Variants in COL4A5 observed in about 807,000 individuals in gnomAD.
COL4A5 encodes the protein collagen type IV alpha 5 chain, also known as collagen alpha-5(IV) chain.
Under a neutral mutation model 130.2 loss-of-function variants are expected in COL4A5, and 26 were observed. That is an observed-to-expected ratio of 0.20 (90% CI 0.15 to 0.28). The LOEUF is 0.28. Among genes scored for constraint, COL4A5 ranks in the 10% least tolerant of loss-of-function variants. The pLI is 1.00. For synonymous variants in COL4A5, 496 were observed against 439.6 expected, an observed-to-expected ratio of 1.13 and a Z score of -1.60; for missense variants, 1,131 against 1,344.3, an observed-to-expected ratio of 0.84 and a Z score of 2.48.
chrX:108,636,946 T>G (rs1007755414), intron 36 of COL4A5, among the ~76,000 whole-genome samples: 3 of 100,833 alleles, frequency 3.0e-5, no homozygotes, highest in Non-Finnish European at 6.0e-5. Flanking sequence ...TGTCTTTTTT[T>G]TTTTTTTTTT....
chrX:108,551,819 A>G (rs191480342), intron 2 of COL4A5, among the ~76,000 whole-genome samples: 1 of 112,096 alleles, frequency 8.9e-6, no homozygotes, highest in East Asian at 2.8e-4. Context: ...CTAGATGCCC[A>G]TCAGTGGTGG....
chrX:108,621,803 G>T lies in COL4A5; in HGVS notation c.2678G>T (p.Gly893Val), dbSNP rs397515496. ...PGKAGASGFP[G>V]TKGEMGMMGP... ...CATTACTTATTGATATTCTTCAAAG[G>T]TACCAAAGGTGAAATGGGTATGATG... The change falls in exon 32 of 53, where the codon GGT becomes GTT. Residue 893 changes from glycine to valine, a missense_variant and splice_region_variant. Gly to Val is a moderately radical substitution (Grantham distance 109, BLOSUM62 -3). Transcript: ENST00000328300. The T allele has an allele frequency of 8.4e-7, 1 of 1,195,223 alleles. No homozygotes were observed. Among genetic ancestry groups the T allele is most frequent in the African/African-American group, 1.7e-5 (1 of 57,489 alleles).
intron 49 of COL4A5, among the ~76,000 whole-genome samples, chrX:108,691,472 A>C (rs2068638761): frequency 9.0e-6 from 1 of 111,013 alleles, no homozygotes; most frequent in Admixed American, 9.7e-5. Context: ...GTTTCTAATA[A>C]AAGTTTTTTT....
intron 36 of COL4A5, among the ~76,000 whole-genome samples, chrX:108,645,401 C>T (rs28796582): frequency 0.1 from 11,488 of 110,015 alleles, 1,304 homozygotes; most frequent in African/African-American, 0.34. Context: ...CAACTGACAC[C>T]ACTGAAATAA....
At chrX:108,648,275 A>C (rs1189080759) in intron 36 of COL4A5, among the ~76,000 whole-genome samples, 3 of 110,808 alleles carry the variant, frequency 2.7e-5, no homozygotes, top group Non-Finnish European at 5.7e-5. Context: ...AATTACCAAC[A>C]AAAAAAAGTC....
intron 36 of COL4A5, among the ~76,000 whole-genome samples, chrX:108,629,588 G>A (rs1221740443): frequency 9.0e-6 from 1 of 111,599 alleles, no homozygotes; most frequent in Non-Finnish European, 1.9e-5. Flanking sequence ...GTTGCTATAT[G>A]CTGAAATACA....
At chrX:108,571,518 C>G (rs1407299682) in intron 7 of COL4A5, 52 bp downstream of exon 7, 5 of 949,188 alleles carry the variant, frequency 5.3e-6, no homozygotes, top group Admixed American at 2.2e-5. Flanking sequence ...ACAAAAGAAG[C>G]AGAAATGTAG....
intron 30 of COL4A5, among the ~76,000 whole-genome samples, chrX:108,618,853 T>C (rs2066982637): frequency 9.1e-6 from 1 of 110,278 alleles, no homozygotes; most frequent in African/African-American, 3.3e-5. Flanking sequence ...AAGCCATATC[T>C]TAAAGTAAAG....
chrX:108,442,619 G>C (rs774532686), intron 1 of COL4A5, among the ~76,000 whole-genome samples: 1 of 111,304 alleles, frequency 9.0e-6, no homozygotes, highest in African/African-American at 3.3e-5. Flanking sequence ...GGATATTTTT[G>C]TCTACTTTAA....
intron 36 of COL4A5, among the ~76,000 whole-genome samples, chrX:108,642,421 G>A (rs1457637158): frequency 9.0e-6 from 1 of 111,247 alleles, no homozygotes; most frequent in Admixed American, 9.6e-5. Context: ...CTCCTGGCAG[G>A]AAGCCAACCA....
At chrX:108,475,046 G>C (rs1236348184) in intron 1 of COL4A5, among the ~76,000 whole-genome samples, 6 of 111,202 alleles carry the variant, frequency 5.4e-5, no homozygotes, top group Non-Finnish European at 5.7e-5. Context: ...CTCCTGCTTT[G>C]CTCCTTTTGG....
chrX:108,526,714 TTTCTTTCTTTCTTCC>T (rs2065329266), intron 1 of COL4A5, among the ~76,000 whole-genome samples: 2 of 93,346 alleles, frequency 2.1e-5, no homozygotes, highest in African/African-American at 4.0e-5. Flanking sequence ...TCTTTCTTTC[TTTCTTTCTTTCTTCC>T]TCCTCCTCCT....
intron 49 of COL4A5, 129 bp downstream of exon 49, chrX:108,687,823 T>C (rs2068578489): frequency 1.8e-6 from 1 of 563,979 alleles, no homozygotes; most frequent in African/African-American, 2.3e-5. Context: ...TTGAAAACCA[T>C]GTCAAAGGCA....
Position 108,591,098 on chromosome X carries a change from T to G in COL4A5, c.1206T>G (p.Pro402=). The G allele has an allele frequency of 8.3e-7, 1 of 1,209,652 alleles. No homozygotes were observed. Residue 402 remains proline (P), a synonymous_variant, in exon 20 of 53, where the codon CCT becomes CCG. Coordinates refer to ENST00000328300, the MANE Select transcript of COL4A5 (RefSeq NM_033380.3). ...VMGPPGPPGF[P]GERGQKGDEG... is the part of the protein sequence containing the mutation. ...GTCCTCCTGGCCCTCCTGGATTTCC[T>G]GGAGAAAGGGGTCAGAAAGGTGATG...
At position 108,440,145 on chromosome X, in the gene COL4A5, G is replaced by T; in HGVS notation, c.20G>T (p.Ser7Ile). ...AGAAGAATGAAACTGCGTGGAGTCA[G>T]CCTGGCTGCCGGCTTGTTCTTACTG... MKLRGV[S>I]LAAGLFLLAL... The change falls in exon 1 of 53, where the codon AGC (serine) becomes ATC (isoleucine). Residue 7 changes from serine to isoleucine, a missense_variant. Coordinates refer to ENST00000328300, the MANE Select transcript of COL4A5 (RefSeq NM_033380.3). 1.7e-6 allele frequency: 2 copies of T among 1,209,064 alleles called. No individual in the cohort carries two copies. The highest frequency in any genetic ancestry group is 2.2e-6 in the Non-Finnish European group (2 of 894,463).
chrX:108,497,098 C>T (rs997160792), intron 1 of COL4A5, among the ~76,000 whole-genome samples: 4 of 111,707 alleles, frequency 3.6e-5, no homozygotes, highest in Non-Finnish European at 5.7e-5. Context: ...CTGGACATTT[C>T]GTAGAAATTG....
At chrX:108,543,953 G>T (rs1432179386) in intron 2 of COL4A5, among the ~76,000 whole-genome samples, 1 of 111,963 alleles carries the variant, frequency 8.9e-6, no homozygotes, top group Non-Finnish European at 1.9e-5. Context: ...TTTGCACATT[G>T]ATTTTGCATC....
intron 1 of COL4A5, among the ~76,000 whole-genome samples, chrX:108,512,760 A>C (rs1296423090): frequency 1.8e-5 from 2 of 111,167 alleles, no homozygotes; most frequent in African/African-American, 6.6e-5. Context: ...GGACCACAGG[A>C]CCCGGGCGAA....
chrX:108,677,285 T>C (rs1414912403), intron 43 of COL4A5, among the ~76,000 whole-genome samples: 1 of 112,452 alleles, frequency 8.9e-6, no homozygotes, highest in East Asian at 2.8e-4. Flanking sequence ...TATAATAAAA[T>C]GTAAACTAAA....
Sources: gnomAD v4.1 joint callset for allele counts (sites outside exome capture counted in the v4.1 genomes callset) on GRCh38, gnomAD v4.1.1 for gene constraint, MANE v1.5 for transcripts, NCBI Gene and HGNC (gene_info 2026-07-23, HGNC 2026-07-21) for gene names.